The following STAG1 variants were observed in gnomAD, a reference collection of about 807,000 sequenced individuals.
The protein encoded by STAG1 is cohesin subunit SA-1.
A neutral mutation model predicts 170.9 loss-of-function variants in STAG1; 26 were observed. That is an observed-to-expected ratio of 0.15 (90% CI 0.11 to 0.21). The LOEUF is 0.21. STAG1 is among the 10% of genes least tolerant of loss of function. The pLI, the probability that STAG1 is intolerant of heterozygous loss-of-function variation, is 1.00. For missense variants in STAG1, 964 were observed against 1,509.5 expected (o/e 0.64, Z 5.99); for synonymous variants, 514 against 497.7 (o/e 1.03, Z -0.44).
chr3:136,532,152 G>A (rs560487235), intron 6 of STAG1, among the ~76,000 whole-genome samples: 2 of 152,162 alleles, frequency 1.3e-5, no homozygotes, highest in East Asian at 3.9e-4. Context: ...AATGAAAAAT[G>A]AGACATTACA....
At chr3:136,738,044 G>A (rs1934444617) in intron 1 of STAG1, among the ~76,000 whole-genome samples, 1 of 152,126 alleles carries the variant, frequency 6.6e-6, no homozygotes, top group Admixed American at 6.5e-5. Context: ...GTCCAGCCTA[G>A]GCGACACAGT....
At chr3:136,463,457 T>A (rs1285857420) in intron 13 of STAG1, among the ~76,000 whole-genome samples, 1 of 152,150 alleles carries the variant, frequency 6.6e-6, no homozygotes, top group Non-Finnish European at 1.5e-5. Context: ...GAATACATAA[T>A]AAACTTTTAA....
chr3:136,486,115 T>C lies in STAG1; in HGVS notation c.903-8703A>G, dbSNP rs536831393. 9.2e-5 allele frequency among the ~76,000 whole-genome samples: 14 copies of C among 152,232 alleles called. No individual in the cohort carries two copies. In the South Asian group the frequency reaches 2.7e-3, roughly 29 times the overall value. ...ACATAAAAGTATATAGGACAGAAAA[T>C]ACCAAAATGCTCCACATGTAGTAGG... is the stretch of plus-strand genomic sequence containing the variant. On this transcript the variant is annotated intron_variant, in intron 9 of 33. Coordinates refer to ENST00000383202, the MANE Select transcript of STAG1 (RefSeq NM_005862.3).
chr3:136,455,416 G>A (rs1304973951), intron 13 of STAG1, among the ~76,000 whole-genome samples: 1 of 152,128 alleles, frequency 6.6e-6, no homozygotes, highest in Non-Finnish European at 1.5e-5. Context: ...AATTTCCCTA[G>A]ACCCATGATT....
chr3:136,366,469 C>G (rs1937076848), intron 25 of STAG1, among the ~76,000 whole-genome samples: 1 of 152,038 alleles, frequency 6.6e-6, no homozygotes, highest in Non-Finnish European at 1.5e-5. Flanking sequence ...TGCAGTTGTT[C>G]AGCATAATAT....
chr3:136,551,986 CTTATT>C (rs1326745427), intron 5 of STAG1, among the ~76,000 whole-genome samples: 4 of 152,094 alleles, frequency 2.6e-5, no homozygotes, highest in Admixed American at 2.0e-4. Flanking sequence ...ATTCCAATCT[CTTATT>C]TTATAATTTT....
chr3:136,732,171 AC>A (rs1398807333), intron 1 of STAG1, among the ~76,000 whole-genome samples: 1 of 150,496 alleles, frequency 6.6e-6, no homozygotes, highest in Non-Finnish European at 1.5e-5. Flanking sequence ...CTGGCCCTAC[AC>A]TAGTTTTTGT....
chr3:136,368,711 T>A (rs976396519), intron 24 of STAG1, among the ~76,000 whole-genome samples: 1 of 152,174 alleles, frequency 6.6e-6, no homozygotes, highest in African/African-American at 2.4e-5. Flanking sequence ...TGTGTAGCTG[T>A]TAGAGAAAGA....
At chr3:136,722,981 G>C (rs371142992) in intron 1 of STAG1, among the ~76,000 whole-genome samples, 3 of 152,194 alleles carry the variant, frequency 2.0e-5, no homozygotes, top group Admixed American at 6.5e-5. Flanking sequence ...GACGGAGTCT[G>C]GTTCACTCAG....
In STAG1 at chr3:136,531,653, C is replaced by T. The variant is rs961871694; in HGVS notation, c.472-10236G>A. On this transcript the variant is annotated intron_variant, in intron 6 of 33. Transcript: ENST00000383202. ...GAAATCATCATTCTCAGTAAACTAT[C>T]GCAAGAACAAAAAACCAAACACCGC... Among the ~76,000 whole-genome samples the T allele has an allele frequency of 7.3e-5, 11 of 150,422 alleles. No individual in the cohort carries two copies. The South Asian group carries it at 1.1e-3, about 15-fold the overall frequency.
intron 9 of STAG1, among the ~76,000 whole-genome samples, chr3:136,478,443 G>C (rs1209785833): frequency 6.6e-6 from 1 of 151,970 alleles, no homozygotes; most frequent in Non-Finnish European, 1.5e-5. Context: ...ATTAGCCTTA[G>C]CTTTAAGAAA....
At chr3:136,603,892 A>G (rs550259202) in intron 4 of STAG1, among the ~76,000 whole-genome samples, 22 of 152,132 alleles carry the variant, frequency 1.4e-4, no homozygotes, top group African/African-American at 4.1e-4. Context: ...GTCTCAAAAA[A>G]AAAGAAAGAA....
chr3:136,526,473 T>C (rs1935037137), intron 6 of STAG1, among the ~76,000 whole-genome samples: 2 of 152,216 alleles, frequency 1.3e-5, no homozygotes, highest in African/African-American at 2.4e-5. Context: ...TCCCTTTATT[T>C]TGAGCCTACG....
intron 1 of STAG1, among the ~76,000 whole-genome samples, chr3:136,740,023 G>T (rs1934578355): frequency 6.6e-6 from 1 of 152,084 alleles, no homozygotes; most frequent in Non-Finnish European, 1.5e-5. Flanking sequence ...ATCTTACTCT[G>T]CGTTTGCTTT....
intron 1 of STAG1, among the ~76,000 whole-genome samples, chr3:136,706,214 G>C (rs1425384418): frequency 6.6e-6 from 1 of 152,142 alleles, no homozygotes; most frequent in Non-Finnish European, 1.5e-5. Flanking sequence ...TCAGAAATAA[G>C]ACAAGAAGCC....
intron 1 of STAG1, among the ~76,000 whole-genome samples, chr3:136,668,384 T>TAAA (rs1941874476): frequency 6.9e-6 from 1 of 145,910 alleles, no homozygotes. Flanking sequence ...TTATACATAA[T>TAAA]ATATAAAATA....
chr3:136,616,487 C>G (rs984400565), intron 3 of STAG1, among the ~76,000 whole-genome samples: 1 of 152,066 alleles, frequency 6.6e-6, no homozygotes, highest in Non-Finnish European at 1.5e-5. Context: ...ACAAAGACAG[C>G]TTAAAAAGAA....
intron 23 of STAG1, among the ~76,000 whole-genome samples, chr3:136,374,306 T>C (rs1937502128): frequency 1.5e-5 from 2 of 129,690 alleles, no homozygotes; most frequent in South Asian, 2.7e-4. Context: ...AAAAAGCTTC[T>C]AGAATAAAGA....
rs1443183027 is a variant in STAG1 at position 136,521,178 on chromosome 3, C to T, written c.676+35G>A. On this transcript the variant is annotated intron_variant, in intron 7 of 33. Coordinates refer to ENST00000383202, the MANE Select transcript of STAG1 (RefSeq NM_005862.3). ...TCAGAATAAAACATAGTCAACAAAACTAAATGAAAAGGAAATAAAATGTTA... is the reference window on the plus strand; with the variant it reads ...TCAGAATAAAACATAGTCAACAAAATTAAATGAAAAGGAAATAAAATGTTA... 3.2e-6 allele frequency: 5 copies of T among 1,553,394 alleles called. No homozygotes were observed. In the South Asian group the frequency reaches 3.4e-5, roughly 10 times the overall value.
Sources: gnomAD v4.1 joint callset for allele counts (sites outside exome capture counted in the v4.1 genomes callset) on GRCh38, gnomAD v4.1.1 for gene constraint, MANE v1.5 for transcripts, NCBI Gene and HGNC (gene_info 2026-07-23, HGNC 2026-07-21) for gene names.